Variants in C11orf65 observed in about 807,000 individuals in gnomAD.
The protein encoded by C11orf65 is chromosome 11 open reading frame 65, also known as protein MFI.
In C11orf65, 38 loss-of-function variants were observed where a neutral mutation model predicts 35.3. That is an observed-to-expected ratio of 1.08 (90% CI 0.83 to 1.41). C11orf65 has a LOEUF of 1.41. Among genes scored for constraint, C11orf65 ranks in the 40% most tolerant of loss-of-function variants. C11orf65 has a pLI of 0.00. For missense variants in C11orf65, 370 were observed against 367.1 expected (o/e 1.01, Z -0.06); for synonymous variants, 105 against 114.4 (o/e 0.92, Z 0.53).
Position 108,460,722 on chromosome 11 carries a change from C to A in C11orf65, c.81+757G>T, listed in dbSNP as rs552234314. 2.7e-5 allele frequency among the ~76,000 whole-genome samples: 4 copies of A among 149,558 alleles called. No homozygotes were observed. The East Asian group carries it at 7.7e-4, about 29-fold the overall frequency. ...TAACTTTTTGAAATGTTAAAAAAGT[C>A]TGCTTTGTTGTTGTTGTTGTTGTTG... On this transcript the variant is annotated intron_variant, in intron 2 of 8. Transcript: ENST00000393084.
chr11:108,394,469 G>A (rs1330833605), intron 6 of C11orf65, among the ~76,000 whole-genome samples: 1 of 152,196 alleles, frequency 6.6e-6, no homozygotes, highest in African/African-American at 2.4e-5. Context: ...ATGAGAGCCA[G>A]TATTCAGACC....
chr11:108,452,688 G>C (rs2093364161), intron 2 of C11orf65, among the ~76,000 whole-genome samples: 1 of 152,088 alleles, frequency 6.6e-6, no homozygotes, highest in Non-Finnish European at 1.5e-5. Flanking sequence ...CTGCTATAAA[G>C]ACACATGCAC....
chr11:108,440,337 G>T (rs1319902719), intron 2 of C11orf65, among the ~76,000 whole-genome samples: 2 of 152,164 alleles, frequency 1.3e-5, no homozygotes, highest in Admixed American at 1.3e-4. Flanking sequence ...TACGAATTCT[G>T]GTAGGGAATA....
chr11:108,367,662 G>C (rs748910879), intron 2 of C11orf65: 4 of 212,816 alleles, frequency 1.9e-5, no homozygotes, highest in Non-Finnish European at 2.9e-5. Flanking sequence ...TGAAGAGTTG[G>C]CATTTCTTTT....
At chr11:108,446,802 T>A (rs1199242347) in intron 2 of C11orf65, among the ~76,000 whole-genome samples, 1 of 152,124 alleles carries the variant, frequency 6.6e-6, no homozygotes, top group African/African-American at 2.4e-5. Flanking sequence ...TAAATGTAAA[T>A]GGGCTAAATG....
chr11:108,365,299 T>C (rs748466041), intron 2 of C11orf65: 11 of 1,614,106 alleles, frequency 6.8e-6, no homozygotes, highest in Admixed American at 3.3e-5. Context: ...TTCACCTCAC[T>C]GAAACCTTTG....
intron 3 of C11orf65, among the ~76,000 whole-genome samples, chr11:108,416,560 T>C (rs192296838): frequency 6.6e-6 from 1 of 151,928 alleles, no homozygotes; most frequent in Non-Finnish European, 1.5e-5. Context: ...GGGTGTGAAT[T>C]CCAGCTACTC....
chr11:108,402,663 AATCCATCACTACAATAAAAAATAAATCT>A (rs2092459631), intron 6 of C11orf65, among the ~76,000 whole-genome samples: 1 of 152,036 alleles, frequency 6.6e-6, no homozygotes, highest in Non-Finnish European at 1.5e-5. Context: ...TATACCTGTA[AATCCATCACTACAATAAAAAATAAATCT>A]ATCCATCACC....
At chr11:108,356,540 T>TTAAA (rs2089944752) in intron 2 of C11orf65, among the ~76,000 whole-genome samples, 1 of 97,824 alleles carries the variant, frequency 1.0e-5, no homozygotes, top group African/African-American at 3.6e-5. Context: ...CTGTCTGTCT[T>TTAAA]AAAAAAAAAA....
chr11:108,417,907 A>G (rs2138843697), intron 3 of C11orf65, among the ~76,000 whole-genome samples: 1 of 152,074 alleles, frequency 6.6e-6, no homozygotes, highest in South Asian at 2.1e-4. Context: ...CTCAAAACTT[A>G]AAGTATGATA....
At chr11:108,354,070 A>ACACACACACACACAC (rs2089570249) in intron 2 of C11orf65, among the ~76,000 whole-genome samples, 29 of 114,830 alleles carry the variant, frequency 2.5e-4, no homozygotes, top group African/African-American at 8.0e-4. Flanking sequence ...CACACACACA[A>ACACACACACACACAC]ACACACACAC....
chr11:108,345,766 A>G (rs2137025895), intron 2 of C11orf65: 1 of 1,612,372 alleles, frequency 6.2e-7, no homozygotes, highest in South Asian at 1.1e-5. Flanking sequence ...AGTCTTTTGA[A>G]GAGAAATATG....
intron 2 of C11orf65, chr11:108,366,046 AAAC>A (rs1328826044): frequency 1.1e-5 from 2 of 176,170 alleles, no homozygotes; most frequent in East Asian, 1.9e-4. Flanking sequence ...AAAAAAAAAA[AAAC>A]AGAAACGTAT....
In C11orf65 at chr11:108,406,753, C is replaced by A; in HGVS notation, c.429+10G>T. The A allele has an allele frequency of 6.5e-7, 1 of 1,543,512 alleles. No individual in the cohort carries two copies. Among genetic ancestry groups the A allele is most frequent in the South Asian group, 1.3e-5 (1 of 79,476 alleles). On this transcript the variant is annotated intron_variant, in intron 5 of 8. Coordinates refer to ENST00000393084, the MANE Select transcript of C11orf65 (RefSeq NM_152587.5). Reference sequence around the variant, plus strand: ...CGTAAGGTTAAAAATTAACATTTCTCTTTTCTTACTGTATCAGAAACTGGC... The same window carrying A: ...CGTAAGGTTAAAAATTAACATTTCTATTTTCTTACTGTATCAGAAACTGGC...
chr11:108,427,721 C>A (rs1315859205), intron 3 of C11orf65, among the ~76,000 whole-genome samples: 12 of 40,744 alleles, frequency 2.9e-4, no homozygotes, highest in South Asian at 1.8e-3. Flanking sequence ...AACTCCGCCT[C>A]AAAAAAAAAA....
intron 6 of C11orf65, among the ~76,000 whole-genome samples, chr11:108,323,478 T>C (rs2136279350): frequency 6.6e-6 from 1 of 152,256 alleles, no homozygotes; most frequent in South Asian, 2.1e-4. Context: ...TAAGATCTAG[T>C]GTTTGATAGC....
chr11:108,382,541 A>C (rs138397528), downstream of C11orf65, among the ~76,000 whole-genome samples: 6 of 152,344 alleles, frequency 3.9e-5, no homozygotes, highest in African/African-American at 1.4e-4. Flanking sequence ...TTGCAAAGAC[A>C]AACTAGAATG....
upstream of C11orf65, among the ~76,000 whole-genome samples, chr11:108,468,374 T>C (rs2093559764): frequency 6.6e-6 from 1 of 152,264 alleles, no homozygotes; most frequent in Non-Finnish European, 1.5e-5. Flanking sequence ...CTAAAGCAAG[T>C]CTGACTTGCT....
chr11:108,381,763 T>G (rs992476284), downstream of C11orf65, among the ~76,000 whole-genome samples: 4 of 152,250 alleles, frequency 2.6e-5, no homozygotes, highest in African/African-American at 7.2e-5. Context: ...TGTGTTGATT[T>G]TAAATGTATT....
Sources: allele counts gnomAD v4.1 joint callset (sites outside exome capture counted in the v4.1 genomes callset), GRCh38; gene constraint gnomAD v4.1.1; transcripts MANE v1.5; gene names NCBI Gene and HGNC (gene_info 2026-07-23, HGNC 2026-07-21).